RIC8A: variants seen among roughly 807,000 people sequenced by gnomAD.
RIC8A encodes RIC8 guanine nucleotide exchange factor A.
A neutral mutation model predicts 48.4 loss-of-function variants in RIC8A; 37 were observed. The ratio of observed to expected loss-of-function variants is 0.77; its 90% CI spans 0.59 to 1.01. The LOEUF (loss-of-function observed/expected upper bound fraction) is 1.01. Ranked by LOEUF, RIC8A falls within the 50% of genes least tolerant of loss-of-function variation. The pLI, the probability that RIC8A is intolerant of heterozygous loss-of-function variation, is 0.00. For synonymous variants in RIC8A, 288 were observed against 283.4 expected, an observed-to-expected ratio of 1.02 and a Z score of -0.16; for missense variants, 681 against 696.8, an observed-to-expected ratio of 0.98 and a Z score of 0.25.
intron 3 of RIC8A, 55 bp downstream of exon 3, chr11:210,055 G>C: frequency 7.0e-7 from 1 of 1,437,680 alleles, no homozygotes; most frequent in Non-Finnish European, 9.4e-7. Flanking sequence ...AACATTTCCT[G>C]GACCTGCTTC....
chr11:213,104 G>A, intron 8 of RIC8A, 123 bp downstream of exon 8: 2 of 1,395,846 alleles, frequency 1.4e-6, no homozygotes, highest in Non-Finnish European at 1.9e-6. Context: ...CCAGAATCAA[G>A]CACCTGTTCC....
chr11:213,479 G>A, intron 9 of RIC8A, 61 bp downstream of exon 9: 4 of 1,546,326 alleles, frequency 2.6e-6, no homozygotes, highest in Non-Finnish European at 3.5e-6. Flanking sequence ...CCCACATCCT[G>A]TCTTGTGAGC....
rs1488143642 is a variant in RIC8A at position 208,701 on chromosome 11, C to G, written c.-154C>G. The G allele has an allele frequency of 1.1e-5, 6 of 548,232 alleles. No individual in the cohort carries two copies. The highest frequency in any genetic ancestry group is 1.9e-5 in the Non-Finnish European group (6 of 321,080). The allele number at this position is 548,232 out of a possible 1,614,324, so 34.0% of individuals were successfully genotyped here. Reference sequence around the variant, plus strand: ...AGGCCGCGCCCCCTTAAAGCGCCACCAGACGCTGCGCCCCGTTAAAGCGCC... The same window carrying G: ...AGGCCGCGCCCCCTTAAAGCGCCACGAGACGCTGCGCCCCGTTAAAGCGCC... On this transcript the variant is annotated 5_prime_UTR_variant, in exon 1 of 10. Transcript: ENST00000526104. The surrounding 1 kb of genome is among the most constrained non-coding windows in gnomAD (Gnocchi z 4.8).
intron 3 of RIC8A, chr11:210,276 G>A (rs544071842): frequency 5.9e-6 from 4 of 681,254 alleles, no homozygotes; most frequent in Middle Eastern, 2.6e-4. Context: ...CCATGAGGCT[G>A]TGAGTGGGGC....
In RIC8A at chr11:208,981, G is replaced by T. The variant is rs766063738; in HGVS notation, c.84+43G>T. ...GCCGGGGGGCGGGCACGGAGGGGGT[G>T]GGGCAGGGTCGTGCGCGGGTAGCAG... On this transcript the variant is annotated intron_variant, in intron 1 of 9. Coordinates refer to ENST00000526104, the MANE Select transcript of RIC8A (RefSeq NM_001286134.2). The surrounding 1 kb of genome is among the most constrained non-coding windows in gnomAD (Gnocchi z 4.8). 1.7e-5 allele frequency: 24 copies of T among 1,407,104 alleles called. No individual in the cohort carries two copies. Among genetic ancestry groups the T allele is most frequent in the Middle Eastern group, 2.3e-4 (1 of 4,304 alleles). The allele number at this position is 1,407,104 out of a possible 1,614,324, so 87.2% of individuals were successfully genotyped here. A position where few individuals can be genotyped will look rare whatever the true frequency, so the allele number is the denominator to read the frequency against.
In RIC8A at chr11:208,791, G is replaced by A; in HGVS notation, c.-64G>A. On this transcript the variant is annotated 5_prime_UTR_variant, in exon 1 of 10. Transcript: ENST00000526104. This position sits in a 1 kb window ranked among gnomAD's most constrained non-coding sequence, Gnocchi z 4.8. Reference sequence around the variant, plus strand: ...GGCGCGGGGCTTTCTGGGCCAGGGCGGGGCCGGCGAACTGCGGCCCGGAAC... The same window carrying A: ...GGCGCGGGGCTTTCTGGGCCAGGGCAGGGCCGGCGAACTGCGGCCCGGAAC... 1 of 1,399,452 alleles carries A rather than the reference G, an allele frequency of 7.1e-7. No individual in the cohort carries two copies. 86.7% of individuals were successfully genotyped at this position (1,399,452 alleles called of 1,614,324 possible).
intron 1 of RIC8A, 136 bp from the exon 2 acceptor site, chr11:209,135 G>A (rs751839646): frequency 3.4e-6 from 4 of 1,159,590 alleles, no homozygotes; most frequent in Non-Finnish European, 5.2e-6. Context: ...GGCGTGTAGG[G>A]ATGGGGGCGA....
chr11:209,675 T>G lies in RIC8A; in HGVS notation c.401T>G (p.Leu134Arg). 1 of 1,613,952 alleles carries G rather than the reference T, an allele frequency of 6.2e-7. No homozygotes were observed. The highest frequency in any genetic ancestry group is 8.5e-7 in the Non-Finnish European group (1 of 1,179,984). The change falls in exon 3 of 10, where the codon CTG becomes CGG. Residue 134 changes from leucine to arginine, a missense_variant. Leu to Arg is a moderately radical substitution (Grantham distance 102). Transcript: ENST00000526104. ...CTCAGCAGCCCTGTGGCACAGATGC[T>G]GGCAGCAGAGGCCCGCCTAGTGGTG... ...LVLSSPVAQM[L>R]AAEARLVVKL...
Position 214,742 on chromosome 11 carries a change from T to A in RIC8A, c.*392T>A. 2.8e-6 allele frequency: 1 copy of A among 360,376 alleles called. No homozygotes were observed. The highest frequency in any genetic ancestry group is 2.1e-5 in the South Asian group (1 of 46,712). 22.3% of individuals were successfully genotyped at this position (360,376 alleles called of 1,614,324 possible). A position where few individuals can be genotyped will look rare whatever the true frequency, so the allele number is the denominator to read the frequency against. ...CAAGCACCATCTGGGATTGGCACACTGGCAGAGCCAGTGTGTTGGGGTATG... is the reference window on the plus strand; with the variant it reads ...CAAGCACCATCTGGGATTGGCACACAGGCAGAGCCAGTGTGTTGGGGTATG... On this transcript the variant is annotated 3_prime_UTR_variant, in exon 10 of 10. Transcript: ENST00000526104.
chr11:208,702 A>G lies in RIC8A; in HGVS notation c.-153A>G. 1 of 547,712 alleles carries G rather than the reference A, an allele frequency of 1.8e-6. No individual in the cohort carries two copies. The allele number at this position is 547,712 out of a possible 1,614,324, so 33.9% of individuals were successfully genotyped here. ...GGCCGCGCCCCCTTAAAGCGCCACCAGACGCTGCGCCCCGTTAAAGCGCCA... is the reference window on the plus strand; with the variant it reads ...GGCCGCGCCCCCTTAAAGCGCCACCGGACGCTGCGCCCCGTTAAAGCGCCA... On this transcript the variant is annotated 5_prime_UTR_variant, in exon 1 of 10. Transcript: ENST00000526104. The surrounding 1 kb of genome is among the most constrained non-coding windows in gnomAD (Gnocchi z 4.8).
chr11:212,464 G>A lies in RIC8A; in HGVS notation c.1018G>A (p.Glu340Lys), dbSNP rs116035550. The A allele has an allele frequency of 2.2e-5, 35 of 1,613,892 alleles. No homozygotes were observed. The highest frequency in any genetic ancestry group is 2.9e-5 in the Non-Finnish European group (34 of 1,179,986). Reference protein sequence around the residue: ...SVAPVLSVLTECARMHRPARK... With the variant: ...SVAPVLSVLTKCARMHRPARK... Reference sequence around the variant, plus strand: ...AGCTCCCGTGCTGAGCGTGCTGACTGAATGTGCCCGGATGCACCGCCCAGC... The same window carrying A: ...AGCTCCCGTGCTGAGCGTGCTGACTAAATGTGCCCGGATGCACCGCCCAGC... The change falls in exon 6 of 10, where the codon GAA (glutamate) becomes AAA (lysine). Residue 340 changes from glutamate (E) to lysine (K), a missense_variant. By Grantham distance (56) the Glu-to-Lys change is moderately conservative. Transcript: ENST00000526104.
At chr11:210,746 C>T in intron 4 of RIC8A, 84 bp downstream of exon 4, 2 of 1,255,168 alleles carry the variant, frequency 1.6e-6, no homozygotes, top group Admixed American at 1.7e-5. Flanking sequence ...ACCAGAACCA[C>T]CTGAGAGCCC....
At position 209,438 on chromosome 11, in the gene RIC8A, A is replaced by T; in HGVS notation, c.164A>T (p.Glu55Val). The T allele has an allele frequency of 6.2e-7, 1 of 1,603,220 alleles. No homozygotes were observed. The highest frequency in any genetic ancestry group is 8.5e-7 in the Non-Finnish European group (1 of 1,171,622). ...RLAELLVSVLEQGLPPSHRVI... is the reference protein window; with the variant it reads ...RLAELLVSVLVQGLPPSHRVI... ...GCGGAGCTGCTGGTCTCCGTCCTGGAACAGGGCTTGCCACCCTCCCACCGT... is the reference window on the plus strand; with the variant it reads ...GCGGAGCTGCTGGTCTCCGTCCTGGTACAGGGCTTGCCACCCTCCCACCGT... The change falls in exon 3 of 10, where the codon GAA (glutamate) becomes GTA (valine). Residue 55 changes from glutamate (E) to valine (V), a missense_variant. Physicochemically the swap from Glu to Val is moderately radical, Grantham distance 121 (BLOSUM62 -2). Transcript: ENST00000526104.
rs552878072 is a variant in RIC8A, at chr11:214,917, G to A, written c.*567G>A. 4.2e-4 allele frequency: 84 copies of A among 199,630 alleles called. No individual in the cohort carries two copies. Among genetic ancestry groups the A allele is most frequent in the African/African-American group, 1.4e-3 (60 of 42,166 alleles). 12.4% of individuals were successfully genotyped at this position (199,630 alleles called of 1,614,324 possible). A position where few individuals can be genotyped will look rare whatever the true frequency, so the allele number is the denominator to read the frequency against. ...CTCTTAGACATTCTCCTTGGTCCTC[G>A]TTCAGCTGCCCACTGTAGTATCCAC... On this transcript the variant is annotated 3_prime_UTR_variant, in exon 10 of 10. Coordinates refer to ENST00000526104, the MANE Select transcript of RIC8A (RefSeq NM_001286134.2).
At position 211,489 on chromosome 11, in the gene RIC8A, T is replaced by A. The variant is rs967147884; in HGVS notation, c.969+140T>A. 15 of 939,084 alleles carry A rather than the reference T, an allele frequency of 1.6e-5. No individual in the cohort carries two copies. The highest frequency in any genetic ancestry group is 1.7e-5 in the Non-Finnish European group (11 of 651,842). 58.2% of individuals were successfully genotyped at this position (939,084 alleles called of 1,614,324 possible). A position where few individuals can be genotyped will look rare whatever the true frequency, so the allele number is the denominator to read the frequency against. On this transcript the variant is annotated intron_variant, in intron 5 of 9. Transcript: ENST00000526104. The surrounding 1 kb of genome is among the most constrained non-coding windows in gnomAD (Gnocchi z 4.0). ...GGTGTGATATGGGCGACTCTTCCGG[T>A]TGTTCTGTGGTCCAGCCTGGCAAGA...
rs1237884768 is a variant in RIC8A, at chr11:211,474, G to A, written c.969+125G>A. ...GGAGATTGTCTTGGTGGTGTGATAT[G>A]GGCGACTCTTCCGGTTGTTCTGTGG... On this transcript the variant is annotated intron_variant, in intron 5 of 9. Coordinates refer to ENST00000526104, the MANE Select transcript of RIC8A (RefSeq NM_001286134.2). This position sits in a 1 kb window ranked among gnomAD's most constrained non-coding sequence, Gnocchi z 4.0. The A allele has an allele frequency of 1.9e-5, 20 of 1,073,762 alleles. No individual in the cohort carries two copies. In the Admixed American group the frequency reaches 5.4e-4, roughly 29 times the overall value. 66.5% of individuals were successfully genotyped at this position (1,073,762 alleles called of 1,614,324 possible). A position where few individuals can be genotyped will look rare whatever the true frequency, so the allele number is the denominator to read the frequency against.
At chr11:212,048 CT>C (rs371954405) in intron 5 of RIC8A, 109 of 277,264 alleles carry the variant, frequency 3.9e-4, no homozygotes, top group African/African-American at 2.1e-3. Context: ...GTTCTCGTTT[CT>C]TTTTGCCACC....
In RIC8A at chr11:208,585, C is replaced by A; in HGVS notation, c.-270C>A. ...CTGTTGGAACTTCTGGCCCAAGAAGCGCGGGTCACAAGGAGAGGGGTCAGT... is the reference window on the plus strand; with the variant it reads ...CTGTTGGAACTTCTGGCCCAAGAAGAGCGGGTCACAAGGAGAGGGGTCAGT... On this transcript the variant is annotated 5_prime_UTR_variant, in exon 1 of 10. Coordinates refer to ENST00000526104, the MANE Select transcript of RIC8A (RefSeq NM_001286134.2). This position sits in a 1 kb window ranked among gnomAD's most constrained non-coding sequence, Gnocchi z 4.8. 5.5e-6 allele frequency: 2 copies of A among 364,188 alleles called. No individual in the cohort carries two copies. The highest frequency in any genetic ancestry group is 5.2e-5 in the South Asian group (1 of 19,148). The allele number at this position is 364,188 out of a possible 1,614,324, so 22.6% of individuals were successfully genotyped here. A position where few individuals can be genotyped will look rare whatever the true frequency, so the allele number is the denominator to read the frequency against.
At chr11:210,702 A>T in intron 4 of RIC8A, 40 bp downstream of exon 4, 2 of 1,580,688 alleles carry the variant, frequency 1.3e-6, no homozygotes, top group Non-Finnish European at 1.7e-6. Context: ...GTGTGCCCAC[A>T]TGTCTAGATG....
Sources: gnomAD v4.1 joint callset for allele counts on GRCh38, gnomAD v4.1.1 for gene constraint, Gnocchi (gnomAD v3.1) non-coding constraint, MANE v1.5 for transcripts, NCBI Gene and HGNC (gene_info 2026-07-23, HGNC 2026-07-21) for gene names.